The following NBPF12 variants were observed in gnomAD, a reference collection of about 807,000 sequenced individuals.
The protein encoded by NBPF12 is NBPF member 12.
In NBPF12, 115 loss-of-function variants were observed where a neutral mutation model predicts 146.4. That is an observed-to-expected ratio of 0.79 (90% confidence interval 0.68 to 0.92). The LOEUF is 0.92. NBPF12 is among the 40% of genes least tolerant of loss of function. The pLI is 0.00. For missense variants in NBPF12, 1,205 were observed against 1,326.8 expected, an observed-to-expected ratio of 0.91 and a Z score of 1.43; for synonymous variants, 385 against 508.9, an observed-to-expected ratio of 0.76 and a Z score of 3.28.
intron 2 of NBPF12, among the ~76,000 whole-genome samples, chr1:146,954,389 CA>C (rs1170420550): frequency 0.042 from 1,019 of 23,998 alleles, 14 homozygotes; most frequent in African/African-American, 0.11. Flanking sequence ...GACTCTGTCT[CA>C]AAAAAAAAAA....
At chr1:146,966,625 T>C in exon 9 of NBPF12, 1 of 1,508,608 alleles carries the variant, frequency 6.6e-7, no homozygotes, top group Non-Finnish European at 9.2e-7. Context: ...AGAGAAATGT[T>C]TTGTAACTCA....
intron 18 of NBPF12, among the ~76,000 whole-genome samples, chr1:146,978,203 T>G (rs1303045120): frequency 0.01 from 1,562 of 150,474 alleles, 24 homozygotes; most frequent in African/African-American, 0.036. Flanking sequence ...GGCTGGACCC[T>G]GGTTCTCCAC....
chr1:146,971,782 A>G (rs1310170525), intron 13 of NBPF12, among the ~76,000 whole-genome samples: 1 of 150,878 alleles, frequency 6.6e-6, no homozygotes, highest in Non-Finnish European at 1.5e-5. Flanking sequence ...TGTCTTAGCT[A>G]TTAATAAGAA....
intron 12 of NBPF12, 31 bp from the exon 16 acceptor site, chr1:146,971,152 T>C (rs1656586124): frequency 6.2e-7 from 1 of 1,610,338 alleles, no homozygotes; most frequent in African/African-American, 1.4e-5. Flanking sequence ...TGTTTAATCT[T>C]CTGTCATCTC....
chr1:146,954,576 C>T (rs1446274293), intron 2 of NBPF12, among the ~76,000 whole-genome samples: 1 of 149,938 alleles, frequency 6.7e-6, no homozygotes, highest in Non-Finnish European at 1.5e-5. Flanking sequence ...ATCTCCAGAT[C>T]CAATGCAATT....
exon 22 of NBPF12, chr1:146,984,980 T>C (rs1450298411): frequency 6.3e-6 from 8 of 1,275,202 alleles, no homozygotes; most frequent in Non-Finnish European, 9.1e-6. Context: ...GCTGTTGACA[T>C]GGATGGTGAG....
intron 4 of NBPF12, among the ~76,000 whole-genome samples, 152 bp downstream of exon 7, chr1:146,960,470 G>A (rs1359089271): frequency 2.6e-5 from 4 of 151,802 alleles, no homozygotes; most frequent in Non-Finnish European, 5.9e-5. Flanking sequence ...GTTAAAGTTG[G>A]AAGACAGAGG....
At chr1:146,964,415 A>C in exon 7 of NBPF12, 1 of 1,601,598 alleles carries the variant, frequency 6.2e-7, no homozygotes, top group African/African-American at 1.3e-5. Context: ...AAGTACTGGA[A>C]TCATCTGCCC....
At chr1:146,940,057 C>G (rs1324811273) in intron 1 of NBPF12, among the ~76,000 whole-genome samples, 3 of 151,766 alleles carry the variant, frequency 2.0e-5, no homozygotes, top group Non-Finnish European at 4.4e-5. Flanking sequence ...CTTTCTTTGC[C>G]GAAAGAATGA....
At chr1:146,941,125 C>G (rs1219306508) in intron 1 of NBPF12, among the ~76,000 whole-genome samples, 2 of 150,730 alleles carry the variant, frequency 1.3e-5, no homozygotes, top group Admixed American at 1.3e-4. Flanking sequence ...ACTCTGTTGC[C>G]CAGGCTGGAG....
chr1:146,977,262 C>A (rs1164001549), intron 17 of NBPF12, among the ~76,000 whole-genome samples: 1 of 146,118 alleles, frequency 6.8e-6, no homozygotes, highest in Non-Finnish European at 1.5e-5. Flanking sequence ...TGAACAGCAG[C>A]TGCTCTCTTC....
chr1:146,994,539 C>T (rs113337644), exon 34 of NBPF12: 2 of 1,609,708 alleles, frequency 1.2e-6, no homozygotes, highest in East Asian at 2.2e-5. Flanking sequence ...CAAGTCTCCA[C>T]CTGGTCTTCC....
chr1:146,969,450 G>A (rs1656433871), exon 11 of NBPF12: 1 of 1,435,772 alleles, frequency 7.0e-7, no homozygotes. Flanking sequence ...TTACGGGAAG[G>A]GAGAGATGCC....
At chr1:146,956,297 T>G (rs1397658910) in intron 2 of NBPF12, among the ~76,000 whole-genome samples, 1 of 151,978 alleles carries the variant, frequency 6.6e-6, no homozygotes, top group Non-Finnish European at 1.5e-5. Context: ...AGAAAATGGT[T>G]AAAAATGCAA....
chr1:146,966,556 A>G, exon 9 of NBPF12: 3 of 1,401,200 alleles, frequency 2.1e-6, no homozygotes, highest in Non-Finnish European at 3.0e-6. Context: ...CATTCTAGAA[A>G]TCAATGAGAA....
intron 13 of NBPF12, among the ~76,000 whole-genome samples, chr1:146,972,240 CA>C (rs1656691620): frequency 6.6e-6 from 1 of 151,004 alleles, no homozygotes; most frequent in Non-Finnish European, 1.5e-5. Flanking sequence ...ACTAAAAATA[CA>C]AAAATTAGCT....
chr1:146,939,985 A>T (rs1337366262), intron 1 of NBPF12, among the ~76,000 whole-genome samples: 3 of 1,910 alleles, frequency 1.6e-3, no homozygotes, highest in South Asian at 0.05. Context: ...ACTCCCTCTA[A>T]AAAAAAAAAA....
intron 2 of NBPF12, among the ~76,000 whole-genome samples, chr1:146,957,869 A>G (rs1282679824): frequency 1.5e-5 from 1 of 68,022 alleles, no homozygotes; most frequent in Non-Finnish European, 2.6e-5. Context: ...CGTGTTATAT[A>G]TATTGTATAT....
intron 2 of NBPF12, among the ~76,000 whole-genome samples, chr1:146,952,456 TAGAA>T (rs1331920822): frequency 1.2e-4 from 18 of 152,098 alleles, no homozygotes; most frequent in South Asian, 4.2e-4. Context: ...TATGTCAAAT[TAGAA>T]AGGCATGAAA....
Sources: gnomAD v4.1 joint callset for allele counts (sites outside exome capture counted in the v4.1 genomes callset) on GRCh38, gnomAD v4.1.1 for gene constraint, MANE v1.5 for transcripts, NCBI Gene and HGNC (gene_info 2026-07-23, HGNC 2026-07-21) for gene names.